Variants in PRKN observed in about 807,000 individuals in gnomAD.
The protein encoded by PRKN is E3 ubiquitin-protein ligase parkin.
Under a neutral mutation model 59.5 loss-of-function variants are expected in PRKN, and 56 were observed. The observed-to-expected ratio is 0.94, with a 90% CI of 0.76 to 1.18. The LOEUF is 1.18. PRKN is among the 50% of genes most tolerant of loss of function. The pLI, the probability that PRKN is intolerant of heterozygous loss-of-function variation, is 0.00. For missense variants in PRKN, 657 were observed against 596.4 expected (o/e 1.10, Z -1.06); for synonymous variants, 250 against 222.1 (o/e 1.13, Z -1.12).
chr6:162,421,084 A>C lies in PRKN; in HGVS notation c.171+22226T>G, dbSNP rs545480174. 1.1e-4 allele frequency among the ~76,000 whole-genome samples: 17 copies of C among 152,304 alleles called. No homozygotes were observed. In the South Asian group the frequency reaches 3.1e-3, roughly 28 times the overall value. ...GCTCACCACCGCTTTCTTATGACCC[A>C]AACTCATGTCCAGAGATCTCTGATT... On this transcript the variant is annotated intron_variant, in intron 2 of 11. Transcript: ENST00000366898.
At chr6:161,717,721 C>CT (rs1483566100) in intron 7 of PRKN, among the ~76,000 whole-genome samples, 1 of 152,240 alleles carries the variant, frequency 6.6e-6, no homozygotes, top group East Asian at 1.9e-4. Flanking sequence ...CATGATAACT[C>CT]TGTGAAGTAG....
At chr6:161,634,040 C>T (rs556053953) in intron 7 of PRKN, among the ~76,000 whole-genome samples, 1 of 115,842 alleles carries the variant, frequency 8.6e-6, no homozygotes, top group Non-Finnish European at 1.8e-5. Flanking sequence ...ACACACACAT[C>T]CCCCACCCCC....
chr6:162,715,190 G>A (rs557266473), intron 1 of PRKN, among the ~76,000 whole-genome samples: 88 of 152,240 alleles, frequency 5.8e-4, no homozygotes, highest in Non-Finnish European at 1.1e-3. Context: ...ATGAAGTGGG[G>A]CCCCACCCCA....
intron 4 of PRKN, among the ~76,000 whole-genome samples, chr6:162,173,308 T>C (rs1187937565): frequency 6.6e-6 from 1 of 152,138 alleles, no homozygotes; most frequent in Non-Finnish European, 1.5e-5. Context: ...AGTCAGCATC[T>C]CCACGGACCA....
intron 7 of PRKN, among the ~76,000 whole-genome samples, chr6:161,764,595 G>A (rs1789346318): frequency 6.6e-6 from 1 of 152,142 alleles, no homozygotes; most frequent in South Asian, 2.1e-4. Flanking sequence ...ATTGATACAA[G>A]TTTTAAGAAT....
intron 7 of PRKN, among the ~76,000 whole-genome samples, chr6:161,571,968 C>G (rs1291374435): frequency 6.6e-6 from 1 of 152,192 alleles, no homozygotes. Context: ...ACTCCCAAAC[C>G]TGCTGCCCCT....
At chr6:162,481,716 T>C (rs577532825) in intron 1 of PRKN, among the ~76,000 whole-genome samples, 2 of 151,682 alleles carry the variant, frequency 1.3e-5, no homozygotes, top group South Asian at 4.2e-4. Context: ...AACTAAAATA[T>C]TTTTTTTTCA....
intron 1 of PRKN, among the ~76,000 whole-genome samples, chr6:162,450,498 C>T (rs772937865): frequency 4.6e-5 from 7 of 151,702 alleles, no homozygotes; most frequent in South Asian, 2.1e-4. Flanking sequence ...ACCTGACAGG[C>T]GCTACCGCAG....
chr6:162,305,711 G>C (rs1782191828), intron 2 of PRKN, among the ~76,000 whole-genome samples: 1 of 152,080 alleles, frequency 6.6e-6, no homozygotes, highest in African/African-American at 2.4e-5. Flanking sequence ...TGTGTCACTA[G>C]CATTTGATTG....
chr6:162,322,436 A>G lies in PRKN; in HGVS notation c.172-59671T>C, dbSNP rs76247264. On this transcript the variant is annotated intron_variant, in intron 2 of 11. Coordinates refer to ENST00000366898, the MANE Select transcript of PRKN (RefSeq NM_004562.3). ...AGATGGTGATAGAAACTGACAAGCT[A>G]ATTCTAAGATTCATGTGACAATGCA... 4.8e-3 allele frequency among the ~76,000 whole-genome samples: 731 copies of G among 152,260 alleles called. 8 individuals carry two copies. The highest frequency in any genetic ancestry group is 8.0e-3 in the Non-Finnish European group (542 of 68,002).
At chr6:161,669,332 G>C (rs142955259) in intron 7 of PRKN, among the ~76,000 whole-genome samples, 1 of 152,104 alleles carries the variant, frequency 6.6e-6, no homozygotes, top group Non-Finnish European at 1.5e-5. Flanking sequence ...CACAGTGACC[G>C]CCTCCAGCTA....
intron 1 of PRKN, among the ~76,000 whole-genome samples, chr6:162,492,787 T>TA (rs1562328031): frequency 6.6e-6 from 1 of 151,668 alleles, no homozygotes; most frequent in African/African-American, 2.4e-5. Context: ...CTGTCTCTAC[T>TA]AAAAAATACA....
intron 7 of PRKN, among the ~76,000 whole-genome samples, chr6:161,603,612 C>G (rs958201574): frequency 6.6e-6 from 1 of 152,296 alleles, no homozygotes; most frequent in African/African-American, 2.4e-5. Flanking sequence ...GTTGACCTCT[C>G]TTACCTGACT....
intron 1 of PRKN, among the ~76,000 whole-genome samples, chr6:162,494,207 A>G (rs1792950881): frequency 6.6e-6 from 1 of 152,168 alleles, no homozygotes; most frequent in Non-Finnish European, 1.5e-5. Context: ...GCCACCCTTC[A>G]TTCTGCAGCT....
At chr6:161,858,338 G>T (rs1256708658) in intron 6 of PRKN, among the ~76,000 whole-genome samples, 1 of 152,120 alleles carries the variant, frequency 6.6e-6, no homozygotes, top group East Asian at 1.9e-4. Context: ...ATAGAAATAG[G>T]ATTCCTCTGC....
In PRKN at chr6:162,389,017, A is replaced by C. The variant is rs538509306; in HGVS notation, c.171+54293T>G. Among the ~76,000 whole-genome samples the C allele has an allele frequency of 4.6e-4, 70 of 151,204 alleles. 1 individual carries two copies. Among genetic ancestry groups the C allele is most frequent in the Admixed American group, 9.2e-4 (14 of 15,176 alleles). ...CTTTCAGTTCCTCCAGAAAAAAAAA[A>C]AAAAAAACAAAAAAACCTGACCCTC... On this transcript the variant is annotated intron_variant, in intron 2 of 11. Coordinates refer to ENST00000366898, the MANE Select transcript of PRKN (RefSeq NM_004562.3).
At chr6:162,165,297 C>T (rs1158336326) in intron 4 of PRKN, among the ~76,000 whole-genome samples, 1 of 148,828 alleles carries the variant, frequency 6.7e-6, no homozygotes, top group African/African-American at 2.5e-5. Context: ...TTAGAGACCA[C>T]AATATCATTA....
At chr6:162,688,377 T>C (rs1221489344) in intron 1 of PRKN, among the ~76,000 whole-genome samples, 1 of 152,174 alleles carries the variant, frequency 6.6e-6, no homozygotes, top group East Asian at 1.9e-4. Flanking sequence ...AACATGGGTG[T>C]ATACATATGG....
intron 4 of PRKN, among the ~76,000 whole-genome samples, chr6:162,145,115 C>T (rs935922244): frequency 3.3e-5 from 5 of 152,074 alleles, no homozygotes; most frequent in African/African-American, 7.2e-5. Flanking sequence ...CAATTTATTA[C>T]GGAAATTGAA....
Sources: gnomAD v4.1 joint callset for allele counts (sites outside exome capture counted in the v4.1 genomes callset) on GRCh38, gnomAD v4.1.1 for gene constraint, MANE v1.5 for transcripts, NCBI Gene and HGNC (gene_info 2026-07-23, HGNC 2026-07-21) for gene names.